FOXP2: variants seen among roughly 807,000 people sequenced by gnomAD.
FOXP2 encodes the protein forkhead box P2, also known as forkhead box protein P2.
A neutral mutation model predicts 115.8 loss-of-function variants in FOXP2; 12 were observed. The observed-to-expected ratio is 0.10, with a 90% CI of 0.07 to 0.17. The LOEUF (loss-of-function observed/expected upper bound fraction) is 0.17, where lower values mean the gene tolerates loss of function less well. FOXP2 is among the 10% of genes least tolerant of loss of function. FOXP2 has a pLI of 1.00. For missense variants in FOXP2, 629 were observed against 843.5 expected, an observed-to-expected ratio of 0.75 and a Z score of 3.15; for synonymous variants, 328 against 297.7, an observed-to-expected ratio of 1.10 and a Z score of -1.05.
intron 2 of FOXP2, among the ~76,000 whole-genome samples, chr7:114,447,240 C>T (rs1794873739): frequency 6.6e-6 from 1 of 152,134 alleles, no homozygotes; most frequent in South Asian, 2.1e-4. Flanking sequence ...TGACATCTCT[C>T]TCTTATCTAA....
Position 114,564,010 on chromosome 7 carries a change from G to C in FOXP2, c.258+29304G>C, listed in dbSNP as rs73429378. Among the ~76,000 whole-genome samples, 1,052 of 152,150 alleles carry C rather than the reference G, an allele frequency of 6.9e-3. 8 individuals are homozygous for C. Among genetic ancestry groups the C allele is most frequent in the African/African-American group, 0.024 (1,005 of 41,492 alleles). On this transcript the variant is annotated intron_variant, in intron 3 of 16. Transcript: ENST00000350908. ...GTCTAATGAATCTTTGGGAATCTTA[G>C]GCTGCCAGCCAATTCCAGTCTGAAC...
chr7:114,304,269 A>G (rs1287971151), intron 2 of FOXP2, among the ~76,000 whole-genome samples: 2 of 152,112 alleles, frequency 1.3e-5, no homozygotes, highest in Non-Finnish European at 2.9e-5. Flanking sequence ...AGAATGGTAA[A>G]TAAGTGTGAG....
intron 1 of FOXP2, among the ~76,000 whole-genome samples, chr7:114,229,547 C>A (rs1365707314): frequency 6.6e-6 from 1 of 151,518 alleles, no homozygotes; most frequent in Non-Finnish European, 1.5e-5. Flanking sequence ...TACCAAATAT[C>A]TTTTCTGACC....
chr7:114,365,653 T>C (rs890069828), intron 2 of FOXP2, among the ~76,000 whole-genome samples: 93 of 152,116 alleles, frequency 6.1e-4, no homozygotes, highest in Non-Finnish European at 1.8e-4. Flanking sequence ...AGTCTAACAA[T>C]AGCCCTTTAC....
At chr7:114,602,576 A>C (rs1278212618) in intron 3 of FOXP2, among the ~76,000 whole-genome samples, 1 of 152,016 alleles carries the variant, frequency 6.6e-6, no homozygotes, top group East Asian at 1.9e-4. Context: ...TAATATATCA[A>C]TATAATATTT....
chr7:114,626,441 T>C (rs529725562), intron 3 of FOXP2, among the ~76,000 whole-genome samples: 3 of 151,866 alleles, frequency 2.0e-5, no homozygotes, highest in Non-Finnish European at 4.4e-5. Context: ...TAAGGGATAA[T>C]TAAAACGCTA....
intron 3 of FOXP2, among the ~76,000 whole-genome samples, chr7:114,594,639 C>A (rs1802605679): frequency 6.6e-6 from 1 of 151,954 alleles, no homozygotes; most frequent in Non-Finnish European, 1.5e-5. Context: ...CATTTGGGAG[C>A]AAAACTTGGT....
At chr7:114,574,480 CT>C (rs1801477870) in intron 3 of FOXP2, among the ~76,000 whole-genome samples, 1 of 151,678 alleles carries the variant, frequency 6.6e-6, no homozygotes, top group South Asian at 2.1e-4. Flanking sequence ...GGATACATGC[CT>C]TTCTTTTTTT....
chr7:114,586,895 G>A (rs183902776), intron 3 of FOXP2, among the ~76,000 whole-genome samples: 32 of 151,948 alleles, frequency 2.1e-4, no homozygotes, highest in South Asian at 1.2e-3. Flanking sequence ...AAAATTTCAC[G>A]CTATTGCAAT....
At chr7:114,334,329 T>A (rs1165537337) in intron 2 of FOXP2, among the ~76,000 whole-genome samples, 1 of 151,946 alleles carries the variant, frequency 6.6e-6, no homozygotes, top group African/African-American at 2.4e-5. Flanking sequence ...CATATTTGTT[T>A]GGAATAAGTC....
intron 1 of FOXP2, among the ~76,000 whole-genome samples, chr7:114,172,006 G>A (rs558581195): frequency 6.6e-6 from 1 of 152,288 alleles, no homozygotes; most frequent in Non-Finnish European, 1.5e-5. Context: ...GGAGCCTGAA[G>A]ATGTGATGGA....
At chr7:114,529,235 T>A in intron 2 of FOXP2, among the ~76,000 whole-genome samples, 1 of 151,862 alleles carries the variant, frequency 6.6e-6, no homozygotes, top group East Asian at 1.9e-4. Context: ...TGTTAGTTAC[T>A]GTTAACTCAC....
intron 3 of FOXP2, among the ~76,000 whole-genome samples, chr7:114,574,293 T>TA (rs1280836361): frequency 6.6e-6 from 1 of 151,752 alleles, no homozygotes; most frequent in Non-Finnish European, 1.5e-5. Flanking sequence ...ATTTAATAGA[T>TA]AAAAAAGCAT....
intron 3 of FOXP2, among the ~76,000 whole-genome samples, chr7:114,558,699 C>T (rs1303807168): frequency 1.3e-5 from 2 of 152,118 alleles, no homozygotes; most frequent in East Asian, 3.9e-4. Flanking sequence ...TTTATTCTTA[C>T]CTAGAGTCCT....
At chr7:114,242,289 T>C (rs750404907) in intron 1 of FOXP2, among the ~76,000 whole-genome samples, 7 of 151,874 alleles carry the variant, frequency 4.6e-5, no homozygotes, top group Non-Finnish European at 1.0e-4. Flanking sequence ...GAAGAAAAAA[T>C]GATGGTCTAA....
chr7:114,259,026 G>A (rs924009308), intron 1 of FOXP2, among the ~76,000 whole-genome samples: 1 of 152,046 alleles, frequency 6.6e-6, no homozygotes, highest in Admixed American at 6.6e-5. Context: ...GGTCCCAGTT[G>A]GGCTTTTCTT....
intron 3 of FOXP2, among the ~76,000 whole-genome samples, chr7:114,559,592 T>C (rs1333288329): frequency 6.6e-6 from 1 of 152,114 alleles, no homozygotes; most frequent in Non-Finnish European, 1.5e-5. Flanking sequence ...TCTTAAACTA[T>C]CTTATTTTGG....
At chr7:114,269,394 G>C (rs1795979785) in intron 1 of FOXP2, among the ~76,000 whole-genome samples, 1 of 152,072 alleles carries the variant, frequency 6.6e-6, no homozygotes, top group South Asian at 2.1e-4. Flanking sequence ...TCTTTTCCTT[G>C]TTTATTAGTA....
rs1363387280 is a variant in FOXP2, at chr7:114,246,766, C to CT, written c.-101-41249dup. On this transcript the variant is annotated intron_variant, in intron 1 of 17. Coordinates refer to the FOXP2 transcript ENST00000634411. ...TAAAGCTATGCTTTTTGCAAGATGCCTTTTAGAATCCTTGTTGAGTCAATT... is the reference window on the plus strand; with the variant it reads ...TAAAGCTATGCTTTTTGCAAGATGCCTTTTTAGAATCCTTGTTGAGTCAATT... Among the ~76,000 whole-genome samples, 4 of 152,170 alleles carry CT rather than the reference C, an allele frequency of 2.6e-5. No individual in the cohort carries two copies. The East Asian group carries it at 7.7e-4, about 29-fold the overall frequency.
Sources: gnomAD v4.1 joint callset for allele counts (sites outside exome capture counted in the v4.1 genomes callset) on GRCh38, gnomAD v4.1.1 for gene constraint, MANE v1.5 for transcripts, NCBI Gene and HGNC (gene_info 2026-07-23, HGNC 2026-07-21) for gene names.